The following YOD1 variants were observed in gnomAD, a reference collection of about 807,000 sequenced individuals.
YOD1 encodes the protein YOD1 deubiquitinase.
In YOD1, 17 loss-of-function variants were observed where a neutral mutation model predicts 23.7. That is an observed-to-expected ratio of 0.72 (90% CI 0.49 to 1.07). YOD1 has a LOEUF of 1.07. Among genes scored for constraint, YOD1 ranks in the 50% least tolerant of loss-of-function variants. The pLI, the probability that YOD1 is intolerant of heterozygous loss-of-function variation, is 0.00. For missense variants in YOD1, 413 were observed against 447.2 expected (o/e 0.92, Z 0.69); for synonymous variants, 191 against 169.6 (o/e 1.13, Z -0.98).
upstream of YOD1, among the ~76,000 whole-genome samples, chr1:207,051,715 A>G (rs1682756266): frequency 2.0e-5 from 3 of 152,256 alleles, no homozygotes; most frequent in African/African-American, 2.4e-5. Flanking sequence ...CTTCATTGTA[A>G]CAAGTATTCA....
At chr1:207,049,914 G>A (rs1200397121) in intron 1 of YOD1, among the ~76,000 whole-genome samples, 191 bp from the exon 2 acceptor site, 1 of 152,112 alleles carries the variant, frequency 6.6e-6, no homozygotes, top group East Asian at 1.9e-4. Context: ...GATGAAAAAA[G>A]AACAAAAAAC....
chr1:207,049,040 T>G lies in YOD1; in HGVS notation c.1027A>C (p.Thr343Pro), dbSNP rs753253807. Reference protein sequence around the residue: ...AREHAKETGHTNFGEV With the variant: ...AREHAKETGHPNFGEV ...ATAGGTCACACTTCTCCAAAGTTGGTATGGCCTGTCTCCTTGGCATGTTCC... is the reference window on the plus strand; with the variant it reads ...ATAGGTCACACTTCTCCAAAGTTGGGATGGCCTGTCTCCTTGGCATGTTCC... Residue 343 changes from threonine to proline, a missense_variant, in exon 2 of 2, where the codon ACC (threonine) becomes CCC (proline). Coordinates refer to ENST00000315927, the MANE Select transcript of YOD1 (RefSeq NM_018566.4). 1.2e-6 allele frequency: 2 copies of G among 1,613,644 alleles called. No individual in the cohort carries two copies. The highest frequency in any genetic ancestry group is 2.2e-5 in the East Asian group (1 of 44,874).
chr1:207,049,516 C>G lies in YOD1; in HGVS notation c.551G>C (p.Arg184Pro). ...LNPACAPEMR[R>P]LIAQIVASDP... ...GCTTGCTACAATTTGTGCTATGAGG[C>G]GTCTCATCTCAGGGGCACAAGCTGG... The change falls in exon 2 of 2, where the codon CGC (arginine) becomes CCC (proline). Residue 184 changes from arginine to proline, a missense_variant. By Grantham distance (103) the Arg-to-Pro change is moderately radical. Transcript: ENST00000315927. 3 of 1,614,130 alleles carry G rather than the reference C, an allele frequency of 1.9e-6. No individual in the cohort carries two copies.
intron 1 of YOD1, among the ~76,000 whole-genome samples, chr1:207,050,287 C>A (rs1572710847): frequency 6.6e-6 from 1 of 151,030 alleles, no homozygotes; most frequent in Non-Finnish European, 1.5e-5. Context: ...AAGGGGACTG[C>A]AAAAATGAAT....
chr1:207,050,952 C>G lies in YOD1; in HGVS notation c.79G>C (p.Ala27Pro), dbSNP rs541136434. The change falls in exon 1 of 2, where the codon GCC becomes CCC. Residue 27 changes from alanine to proline, a missense_variant. Ala to Pro is a conservative substitution (Grantham distance 27). Coordinates refer to ENST00000315927, the MANE Select transcript of YOD1 (RefSeq NM_018566.4). ...CCCGCGGGGCCAGCTTTGGTCCCGG[C>G]AGCCTGTTGGGAGACGCCGCCGGGG... is the stretch of plus-strand genomic sequence containing the variant. ...GFPGGVSQQA[A>P]GTKAGPAGAW... 2.5e-5 allele frequency: 39 copies of G among 1,570,486 alleles called. 1 individual carries two copies. The South Asian group carries it at 3.8e-4, about 15-fold the overall frequency.
chr1:207,050,635 C>T, intron 1 of YOD1, 53 bp downstream of exon 1: 2 of 1,602,598 alleles, frequency 1.2e-6, no homozygotes, highest in Non-Finnish European at 1.7e-6. Flanking sequence ...TTCTCTCTCA[C>T]GCCCCTCTCC....
Position 207,048,971 on chromosome 1 carries a change from C to T in YOD1, c.*49G>A. The T allele has an allele frequency of 6.5e-7, 1 of 1,532,610 alleles. No homozygotes were observed. The allele number at this position is 1,532,610 out of a possible 1,614,324, so 94.9% of individuals were successfully genotyped here. A position where few individuals can be genotyped will look rare whatever the true frequency, so the allele number is the denominator to read the frequency against. On this transcript the variant is annotated 3_prime_UTR_variant, in exon 2 of 2. Transcript: ENST00000315927. ...CCATAGCTTATTGGAAAACCCAGAG[C>T]CTTCTGGATGTGTGAGGTAGTAGGC...
Position 207,051,150 on chromosome 1 carries a change from G to A in YOD1, c.-120C>T. The A allele has an allele frequency of 7.0e-7, 1 of 1,421,110 alleles. No homozygotes were observed. Among genetic ancestry groups the A allele is most frequent in the Non-Finnish European group, 9.2e-7 (1 of 1,092,714 alleles). 88.0% of individuals were successfully genotyped at this position (1,421,110 alleles called of 1,614,324 possible). A position where few individuals can be genotyped will look rare whatever the true frequency, so the allele number is the denominator to read the frequency against. On this transcript the variant is annotated 5_prime_UTR_variant, in exon 1 of 2. Coordinates refer to ENST00000315927, the MANE Select transcript of YOD1 (RefSeq NM_018566.4). ...CTGATTTTTCCCCCACCCTCAGAAC[G>A]AAGATGTAAACCTCCGTATTCCTAA...
At chr1:207,050,062 G>A (rs867229299) in intron 1 of YOD1, among the ~76,000 whole-genome samples, 30 of 152,234 alleles carry the variant, frequency 2.0e-4, no homozygotes, top group Middle Eastern at 3.4e-3. Flanking sequence ...AGAGTAGGCC[G>A]CTAGGGGGTT....
At position 207,048,912 on chromosome 1, in the gene YOD1, G is replaced by A; in HGVS notation, c.*108C>T. 1 of 1,026,678 alleles carries A rather than the reference G, an allele frequency of 9.7e-7. No individual in the cohort carries two copies. 63.6% of individuals were successfully genotyped at this position (1,026,678 alleles called of 1,614,324 possible). The stretch of plus-strand genomic sequence containing the variant: ...TTAGTGGTTTTAAGTTAAAAGGATG[G>A]TTCAAGCATTGTATCCTTTGTTCTT... On this transcript the variant is annotated 3_prime_UTR_variant, in exon 2 of 2. Coordinates refer to ENST00000315927, the MANE Select transcript of YOD1 (RefSeq NM_018566.4).
At position 207,048,940 on chromosome 1, in the gene YOD1, G is replaced by C; in HGVS notation, c.*80C>G. ...CAAGCATTGTATCCTTTGTTCTTTAGGGTTACCATAGCTTATTGGAAAACC... is the reference window on the plus strand; with the variant it reads ...CAAGCATTGTATCCTTTGTTCTTTACGGTTACCATAGCTTATTGGAAAACC... On this transcript the variant is annotated 3_prime_UTR_variant, in exon 2 of 2. Transcript: ENST00000315927. 3 of 1,278,064 alleles carry C rather than the reference G, an allele frequency of 2.3e-6. No individual in the cohort carries two copies. Among genetic ancestry groups the C allele is most frequent in the African/African-American group, 1.5e-5 (1 of 67,106 alleles). The allele number at this position is 1,278,064 out of a possible 1,614,324, so 79.2% of individuals were successfully genotyped here.
chr1:207,049,215 G>T lies in YOD1; in HGVS notation c.852C>A (p.Thr284=), dbSNP rs115166198. 6.2e-7 allele frequency: 1 copy of T among 1,614,074 alleles called. No individual in the cohort carries two copies. The highest frequency in any genetic ancestry group is 1.7e-5 in the Admixed American group (1 of 60,020). Reference sequence around the variant, plus strand: ...CAATATCATCATTAGAGGAGAAAATGGTCAGAGGAGGTGTATCTGGATCAG... The same window carrying T: ...CAATATCATCATTAGAGGAGAAAATTGTCAGAGGAGGTGTATCTGGATCAG... The part of the protein sequence containing the change: ...NFPDPDTPPL[T]IFSSNDDIVL... Residue 284 remains threonine (T), a synonymous_variant, in exon 2 of 2, where the codon ACC becomes ACA. Transcript: ENST00000315927.
At position 207,046,300 on chromosome 1, in the gene YOD1, C is replaced by G. The variant is rs1332506185; in HGVS notation, c.*2720G>C. 6.6e-6 allele frequency: 1 copy of G among 151,934 alleles called. No individual in the cohort carries two copies. The highest frequency in any genetic ancestry group is 1.5e-5 in the Non-Finnish European group (1 of 67,884). The allele number at this position is 151,934 out of a possible 1,614,324, so 9.4% of individuals were successfully genotyped here. A position where few individuals can be genotyped will look rare whatever the true frequency, so the allele number is the denominator to read the frequency against. On this transcript the variant is annotated 3_prime_UTR_variant, in exon 2 of 2. Coordinates refer to ENST00000315927, the MANE Select transcript of YOD1 (RefSeq NM_018566.4). ...TTAATCCTCCTGAAAGTTGTAAGTCCATAGATTTTCAAAATTCCCAAGATG... is the reference window on the plus strand; with the variant it reads ...TTAATCCTCCTGAAAGTTGTAAGTCGATAGATTTTCAAAATTCCCAAGATG...
upstream of YOD1, among the ~76,000 whole-genome samples, chr1:207,052,695 A>G (rs116800649): frequency 6.6e-6 from 1 of 151,758 alleles, no homozygotes; most frequent in Non-Finnish European, 1.5e-5. Context: ...AAAAACTCCA[A>G]TGGGGTGTAT....
Position 207,050,893 on chromosome 1 carries a change from C to T in YOD1, c.138G>A (p.Met46Ile). 6.2e-7 allele frequency: 1 copy of T among 1,608,770 alleles called. No homozygotes were observed. The change falls in exon 1 of 2, where the codon ATG becomes ATA. Residue 46 changes from methionine to isoleucine, a missense_variant. Transcript: ENST00000315927. ...CCTTGGCCTTGCAGCGGAGCCGCCA[C>T]ATCGTGTCGGTCCGGCTGCCCACAG... The part of the protein sequence containing the change: ...AWPVGSRTDT[M>I]WRLRCKAKDG...
rs558389719 is a variant in YOD1 at position 207,049,140 on chromosome 1, C to T, written c.927G>A (p.Gln309=). 1 of 1,614,076 alleles carries T rather than the reference C, an allele frequency of 6.2e-7. No homozygotes were observed. The highest frequency in any genetic ancestry group is 2.2e-5 in the East Asian group (1 of 44,850). Reference sequence around the variant, plus strand: ...GGGTGAAGCGGTTGACATCAGTAAACTGTCTCCTTCTTCTAGCTTCATCTG... The same window carrying T: ...GGGTGAAGCGGTTGACATCAGTAAATTGTCTCCTTCTTCTAGCTTCATCTG... ...ELADEARRRR[Q]FTDVNRFTLR... is the part of the protein sequence containing the mutation. Residue 309 remains glutamine, a synonymous_variant, in exon 2 of 2, where the codon CAG becomes CAA. Transcript: ENST00000315927.
In YOD1 at chr1:207,049,500, A is replaced by C. The variant is rs764177106; in HGVS notation, c.567T>G (p.Ile189Met). Residue 189 changes from isoleucine to methionine, a missense_variant, in exon 2 of 2, where the codon ATT (isoleucine) becomes ATG (methionine). Physicochemically the swap from Ile to Met is conservative, Grantham distance 10. Transcript: ENST00000315927. Reference protein sequence around the residue: ...APEMRRLIAQIVASDPDFYSE... With the variant: ...APEMRRLIAQMVASDPDFYSE... ...TATAGAAGTCTGGATCGCTTGCTAC[A>C]ATTTGTGCTATGAGGCGTCTCATCT... 2 of 1,614,160 alleles carry C rather than the reference A, an allele frequency of 1.2e-6. No individual in the cohort carries two copies. Among genetic ancestry groups the C allele is most frequent in the South Asian group, 1.1e-5 (1 of 91,082 alleles).
Position 207,049,114 on chromosome 1 carries a change from A to T in YOD1, c.953T>A (p.Leu318Gln). ...RQFTDVNRFT[L>Q]RCMVCQKGLT... ...TCCTTTCTGACATACCATGCATCTC[A>T]GGGTGAAGCGGTTGACATCAGTAAA... Residue 318 changes from leucine to glutamine, a missense_variant, in exon 2 of 2, where the codon CTG (leucine) becomes CAG (glutamine). By Grantham distance (113) the Leu-to-Gln change is moderately radical. Transcript: ENST00000315927. 6.2e-7 allele frequency: 1 copy of T among 1,614,004 alleles called. No homozygotes were observed. Among genetic ancestry groups the T allele is most frequent in the Admixed American group, 1.7e-5 (1 of 60,006 alleles).
At chr1:207,050,026 A>G (rs1397908682) in intron 1 of YOD1, among the ~76,000 whole-genome samples, 1 of 152,200 alleles carries the variant, frequency 6.6e-6, no homozygotes, top group Non-Finnish European at 1.5e-5. Context: ...TTCCTTATAC[A>G]GTATTTTACA....
Sources: gnomAD v4.1 joint callset for allele counts (sites outside exome capture counted in the v4.1 genomes callset) on GRCh38, gnomAD v4.1.1 for gene constraint, MANE v1.5 for transcripts, NCBI Gene and HGNC (gene_info 2026-07-23, HGNC 2026-07-21) for gene names.